Variants in IQSEC1 observed in about 807,000 individuals in gnomAD.
IQSEC1 encodes IQ motif and Sec7 domain ArfGEF 1.
IQSEC1 carries 31 observed loss-of-function variants against 91.0 expected under a neutral mutation model. The observed-to-expected ratio is 0.34, with a 90% confidence interval of 0.26 to 0.46. IQSEC1 has a LOEUF of 0.46. Ranked by LOEUF, IQSEC1 falls within the 20% of genes least tolerant of loss-of-function variation. The pLI is 1.00. For missense variants in IQSEC1, 1,388 were observed against 1,575.6 expected (o/e 0.88, Z 2.02); for synonymous variants, 699 against 662.6 (o/e 1.05, Z -0.84).
chr3:13,088,240 G>A (rs1346153773), intron 2 of IQSEC1, among the ~76,000 whole-genome samples: 1 of 152,232 alleles, frequency 6.6e-6, no homozygotes, highest in East Asian at 1.9e-4. Flanking sequence ...GGGTGGCGAA[G>A]GAACAGATGA....
intron 1 of IQSEC1, among the ~76,000 whole-genome samples, chr3:13,240,874 C>G (rs1695010505): frequency 6.6e-6 from 1 of 152,162 alleles, no homozygotes; most frequent in South Asian, 2.1e-4. Flanking sequence ...ATTTGGAGTA[C>G]CAGATCCAAG....
intron 2 of IQSEC1, among the ~76,000 whole-genome samples, chr3:13,109,290 CTTCT>C (rs946325953): frequency 3.3e-5 from 5 of 152,118 alleles, no homozygotes; most frequent in South Asian, 2.1e-4. Flanking sequence ...CTTTTTTCTT[CTTCT>C]TTTTCTTTCT....
intron 1 of IQSEC1, among the ~76,000 whole-genome samples, chr3:13,058,882 G>A (rs944028539): frequency 3.9e-5 from 6 of 152,202 alleles, no homozygotes; most frequent in Non-Finnish European, 7.4e-5. Flanking sequence ...CAGGCCTTGG[G>A]TGCCCTCGGC....
chr3:13,221,655 G>A (rs1237169476), intron 1 of IQSEC1, among the ~76,000 whole-genome samples: 3 of 152,214 alleles, frequency 2.0e-5, no homozygotes, highest in African/African-American at 4.8e-5. Context: ...AGCCCACGGC[G>A]GCTCTCCGTC....
chr3:12,924,687 G>A lies in IQSEC1; in HGVS notation c.1624C>T (p.Pro542Ser). 3 of 1,608,880 alleles carry A rather than the reference G, an allele frequency of 1.9e-6. No individual in the cohort carries two copies. Among genetic ancestry groups the A allele is most frequent in the Non-Finnish European group, 2.5e-6 (3 of 1,177,262 alleles). Residue 542 changes from proline (P) to serine (S), a missense_variant, in exon 4 of 14, where the codon CCC becomes TCC. Transcript: ENST00000613206. This position sits in a 1 kb window ranked among gnomAD's most constrained non-coding sequence, Gnocchi z 6.3. ...AGCAGGAAGTGGGCCACCCCGACGG[G>A]CGTGTCGGGCACAAAGCCACGCTCG... Reference protein sequence around the residue: ...LIERGFVPDTPVGVAHFLLQR... With the variant: ...LIERGFVPDTSVGVAHFLLQR...
At chr3:13,085,323 C>T (rs998435913) in intron 2 of IQSEC1, among the ~76,000 whole-genome samples, 4 of 152,090 alleles carry the variant, frequency 2.6e-5, no homozygotes. Context: ...TCGGGGCAAG[C>T]ACCCTTATCA....
chr3:13,226,687 C>G (rs538419175), intron 1 of IQSEC1, among the ~76,000 whole-genome samples: 32 of 152,320 alleles, frequency 2.1e-4, no homozygotes, highest in African/African-American at 7.7e-4. Flanking sequence ...TTCAATAATG[C>G]CCCAGCATGT....
intron 1 of IQSEC1, among the ~76,000 whole-genome samples, chr3:13,040,152 G>A (rs934129150): frequency 6.6e-6 from 1 of 152,180 alleles, no homozygotes; most frequent in African/African-American, 2.4e-5. Context: ...CACCATGTGA[G>A]GCTTGGTCCC....
rs1460700696 is a variant in IQSEC1, at chr3:12,992,341, G to A, written c.24-50476C>T. On this transcript the variant is annotated intron_variant, in intron 1 of 13. Coordinates refer to ENST00000613206, the MANE Select transcript of IQSEC1 (RefSeq NM_001134382.3). The surrounding 1 kb of genome is among the most constrained non-coding windows in gnomAD (Gnocchi z 4.1). ...CCTCTCAGTTTATCTTTTCCTGTGG[G>A]GGGTGGGGGGTGGGAGGAGATGGCA... Among the ~76,000 whole-genome samples the A allele has an allele frequency of 8.4e-6, 1 of 119,686 alleles. No individual in the cohort carries two copies. Among genetic ancestry groups the A allele is most frequent in the African/African-American group, 3.1e-5 (1 of 31,958 alleles). 78.5% of individuals were successfully genotyped at this position (119,686 alleles called of 152,430 possible).
chr3:13,130,354 A>AAG (rs1706590944), intron 2 of IQSEC1, among the ~76,000 whole-genome samples: 1 of 151,762 alleles, frequency 6.6e-6, no homozygotes, highest in Admixed American at 6.6e-5. Context: ...AAAAAAAAAA[A>AAG]AAAAAAAAGA....
chr3:13,226,455 C>T (rs1347990246), intron 1 of IQSEC1, among the ~76,000 whole-genome samples: 6 of 151,864 alleles, frequency 4.0e-5, no homozygotes, highest in Non-Finnish European at 7.4e-5. Context: ...CATCCGGGAA[C>T]AAAATAAAAA....
chr3:12,938,379 G>T (rs959017593), intron 2 of IQSEC1, among the ~76,000 whole-genome samples: 1 of 152,200 alleles, frequency 6.6e-6, no homozygotes, highest in Non-Finnish European at 1.5e-5. Flanking sequence ...GCACCAGGGA[G>T]ACTGGCTCAG....
rs2125643159 is a variant in IQSEC1 at position 12,994,724 on chromosome 3, C to T, written c.24-52859G>A. Among the ~76,000 whole-genome samples, 1 of 152,316 alleles carries T rather than the reference C, an allele frequency of 6.6e-6. No homozygotes were observed. The highest frequency in any genetic ancestry group is 1.5e-5 in the Non-Finnish European group (1 of 68,024). On this transcript the variant is annotated intron_variant, in intron 1 of 13. Coordinates refer to ENST00000613206, the MANE Select transcript of IQSEC1 (RefSeq NM_001134382.3). The surrounding 1 kb of genome is among the most constrained non-coding windows in gnomAD (Gnocchi z 4.5). ...CAGCTGCACCACGCTCCTCCGCGTC[C>T]CCTCCAGGACACACCCTCCTGACTG...
chr3:12,902,670 CAAAAAAAAA>C (rs1213830618), intron 13 of IQSEC1, 94 bp downstream of exon 13: 19 of 191,020 alleles, frequency 9.9e-5, no homozygotes, highest in East Asian at 1.9e-4. Flanking sequence ...AAAAAAAAAC[CAAAAAAAAA>C]AAAAAAAAAA....
intron 1 of IQSEC1, among the ~76,000 whole-genome samples, chr3:13,273,432 TCAAGAACTCCCCATTC>T (rs1230722559): frequency 3.9e-5 from 6 of 152,174 alleles, no homozygotes; most frequent in Middle Eastern, 3.2e-3. Flanking sequence ...ACTCCCCGTT[TCAAGAACTCCCCATTC>T]CAAGAACTGC....
At chr3:12,960,785 A>G (rs1484432389) in intron 1 of IQSEC1, 1 of 152,248 alleles carries the variant, frequency 6.6e-6, no homozygotes, top group Non-Finnish European at 1.5e-5. Flanking sequence ...TCTTGTGCCA[A>G]CTTAAGACCC....
chr3:13,265,228 A>T (rs891704405), intron 1 of IQSEC1, among the ~76,000 whole-genome samples: 3 of 152,174 alleles, frequency 2.0e-5, no homozygotes, highest in African/African-American at 7.2e-5. Context: ...CACCACAGCT[A>T]GATGCTGCCC....
Position 13,245,492 on chromosome 3 carries a change from C to T in IQSEC1, c.272+37219G>A, listed in dbSNP as rs571983748. 2.6e-5 allele frequency among the ~76,000 whole-genome samples: 4 copies of T among 152,372 alleles called. No homozygotes were observed. In the South Asian group the frequency reaches 6.2e-4, roughly 24 times the overall value. ...CCAAGAATGTGGACGCAAAGCCAGG[C>T]ACAGTGGCTCACGCCTGTAATCCCA... On this transcript the variant is annotated intron_variant, in intron 1 of 15. Coordinates refer to the IQSEC1 transcript ENST00000648114.
intron 1 of IQSEC1, among the ~76,000 whole-genome samples, chr3:13,064,399 G>A (rs543035602): frequency 6.6e-6 from 1 of 152,296 alleles, no homozygotes; most frequent in African/African-American, 2.4e-5. Flanking sequence ...CAAGAGAATG[G>A]CTGAATGGTA....
Sources: gnomAD v4.1 joint callset for allele counts (sites outside exome capture counted in the v4.1 genomes callset) on GRCh38, gnomAD v4.1.1 for gene constraint, Gnocchi (gnomAD v3.1) non-coding constraint, MANE v1.5 for transcripts, NCBI Gene and HGNC (gene_info 2026-07-23, HGNC 2026-07-21) for gene names.